Variants in PIP5K1C observed in about 807,000 individuals in gnomAD.
PIP5K1C encodes phosphatidylinositol 4-phosphate 5-kinase type-1 gamma.
Under a neutral mutation model 80.1 loss-of-function variants are expected in PIP5K1C, and 45 were observed. The observed-to-expected ratio is 0.56, with a 90% CI of 0.44 to 0.72. The LOEUF (loss-of-function observed/expected upper bound fraction) is 0.72, where lower values mean the gene tolerates loss of function less well. PIP5K1C is among the 30% of genes least tolerant of loss of function. PIP5K1C has a pLI of 0.00. For synonymous variants in PIP5K1C, 498 were observed against 420.1 expected (o/e 1.19, Z -2.27); for missense variants, 753 against 954.6 (o/e 0.79, Z 2.78).
In PIP5K1C at chr19:3,657,798, G is replaced by A. The variant is rs117990818; in HGVS notation, c.469-1241C>T. 1.2e-3 allele frequency among the ~76,000 whole-genome samples: 186 copies of A among 151,896 alleles called. 2 individuals carry two copies. The East Asian group carries it at 0.026, about 21-fold the overall frequency. On this transcript the variant is annotated intron_variant, in intron 5 of 17. Coordinates refer to ENST00000335312, the MANE Select transcript of PIP5K1C (RefSeq NM_012398.3). Reference sequence around the variant, plus strand: ...AAAGAAAGAAAACAAAAACAGGCATGGTGATGCCCATCTGTGGTCCCAGCT... The same window carrying A: ...AAAGAAAGAAAACAAAAACAGGCATAGTGATGCCCATCTGTGGTCCCAGCT...
rs71339197 is a variant in PIP5K1C, at chr19:3,669,250, G to C, written c.95-1897C>G. Among the ~76,000 whole-genome samples, 48 of 152,310 alleles carry C rather than the reference G, an allele frequency of 3.2e-4. 1 individual carries two copies. The highest frequency in any genetic ancestry group is 1.1e-3 in the African/African-American group (47 of 41,580). On this transcript the variant is annotated intron_variant, in intron 1 of 17. Coordinates refer to ENST00000335312, the MANE Select transcript of PIP5K1C (RefSeq NM_012398.3). ...GGAGTGTGTGCAGGAGGGTGCGGCA[G>C]GTGCCCTGCTCCGTAGGGCTCGGCC...
chr19:3,666,536 CGCAG>C (rs1201033314), intron 2 of PIP5K1C, among the ~76,000 whole-genome samples: 1 of 152,146 alleles, frequency 6.6e-6, no homozygotes, highest in African/African-American at 2.4e-5. Context: ...TACATACGCA[CGCAG>C]GCAAACAGGC....
intron 1 of PIP5K1C, among the ~76,000 whole-genome samples, chr19:3,677,741 T>A (rs796659184): frequency 2.1e-3 from 119 of 57,032 alleles, no homozygotes; most frequent in African/African-American, 8.5e-3. Flanking sequence ...GGAAGGATGG[T>A]GGGATGGAGG....
chr19:3,674,149 T>C (rs2035290622), intron 1 of PIP5K1C: 1 of 152,210 alleles, frequency 6.6e-6, no homozygotes, highest in Non-Finnish European at 1.5e-5. Flanking sequence ...GGCTGAGGGT[T>C]GGACAGGCAA....
intron 3 of PIP5K1C, among the ~76,000 whole-genome samples, chr19:3,663,687 C>T (rs1293734306): frequency 6.6e-6 from 1 of 152,206 alleles, no homozygotes; most frequent in Non-Finnish European, 1.5e-5. Flanking sequence ...AGAGACACCA[C>T]CTCACACCCA....
intron 5 of PIP5K1C, 31 bp downstream of exon 5, chr19:3,660,935 C>A: frequency 6.4e-7 from 1 of 1,553,900 alleles, no homozygotes; most frequent in Non-Finnish European, 8.9e-7. Flanking sequence ...CTGTTTCAAG[C>A]CTGGAAGCCC....
chr19:3,693,555 T>C (rs1281354762), intron 1 of PIP5K1C, among the ~76,000 whole-genome samples: 3 of 152,186 alleles, frequency 2.0e-5, no homozygotes, highest in Admixed American at 1.3e-4. Flanking sequence ...TGAAGGGACA[T>C]GCTGCCGGGG....
chr19:3,651,060 T>TTG (rs2034426757), intron 8 of PIP5K1C, among the ~76,000 whole-genome samples: 1 of 149,860 alleles, frequency 6.7e-6, no homozygotes, highest in Non-Finnish European at 1.5e-5. Context: ...CCAGCGTTTT[T>TTG]TTTTTTTTTT....
At chr19:3,641,601 C>T in intron 15 of PIP5K1C, 104 bp downstream of exon 15, 1 of 816,186 alleles carries the variant, frequency 1.2e-6, no homozygotes, top group South Asian at 1.4e-5. Context: ...GTGAATACAA[C>T]CTAGTAAGAA....
At position 3,668,811 on chromosome 19, in the gene PIP5K1C, T is replaced by C. The variant is rs1340836715; in HGVS notation, c.95-1458A>G. On this transcript the variant is annotated intron_variant, in intron 1 of 17. Coordinates refer to ENST00000335312, the MANE Select transcript of PIP5K1C (RefSeq NM_012398.3). ...TTCCCTGGGCTGGTCCTGTCTGAGC[T>C]CAGTGCCGAACAAGGATGCCGTGGG... 2.0e-5 allele frequency among the ~76,000 whole-genome samples: 3 copies of C among 152,110 alleles called. No individual in the cohort carries two copies. In the East Asian group the frequency reaches 5.8e-4, roughly 30 times the overall value.
chr19:3,645,239 G>T (rs1368005300), intron 11 of PIP5K1C, among the ~76,000 whole-genome samples: 1 of 152,222 alleles, frequency 6.6e-6, no homozygotes, highest in Non-Finnish European at 1.5e-5. Context: ...CACTTCCCAA[G>T]CATCTCTGTG....
intron 9 of PIP5K1C, among the ~76,000 whole-genome samples, chr19:3,647,849 G>C (rs2034294405): frequency 6.6e-6 from 1 of 152,298 alleles, no homozygotes; most frequent in South Asian, 2.1e-4. Flanking sequence ...GGGGAGGCTG[G>C]GGCAGGAGAA....
At chr19:3,654,586 C>T (rs968988989) in intron 6 of PIP5K1C, among the ~76,000 whole-genome samples, 8 of 152,174 alleles carry the variant, frequency 5.3e-5, no homozygotes, top group South Asian at 2.1e-4. Flanking sequence ...GAGGCCGAGG[C>T]GGGCGGATCA....
intron 1 of PIP5K1C, among the ~76,000 whole-genome samples, chr19:3,694,209 C>T (rs1399902526): frequency 7.2e-6 from 1 of 139,268 alleles, no homozygotes; most frequent in Non-Finnish European, 1.5e-5. Flanking sequence ...GAGACTCCAT[C>T]TCAAAAAAAA....
Position 3,631,068 on chromosome 19 carries a change from T to G in PIP5K1C, c.*2099A>C, listed in dbSNP as rs539383493. On this transcript the variant is annotated 3_prime_UTR_variant, in exon 18 of 18. Transcript: ENST00000335312. ...CTTGGAGACAACACAAGAATGGAAA[T>G]GAAATGGTATCCACAGAGGTTTGCA... The G allele has an allele frequency of 6.6e-6, 1 of 152,264 alleles. No individual in the cohort carries two copies. Among genetic ancestry groups the G allele is most frequent in the Non-Finnish European group, 1.5e-5 (1 of 68,048 alleles). 9.4% of individuals were successfully genotyped at this position (152,264 alleles called of 1,614,324 possible).
intron 5 of PIP5K1C, among the ~76,000 whole-genome samples, chr19:3,659,472 T>C (rs1232836149): frequency 6.6e-6 from 1 of 152,248 alleles, no homozygotes; most frequent in Non-Finnish European, 1.5e-5. Flanking sequence ...CTCCTGCTAA[T>C]GGACACGGGT....
chr19:3,697,924 C>T (rs940916849), intron 1 of PIP5K1C, among the ~76,000 whole-genome samples: 3 of 152,248 alleles, frequency 2.0e-5, no homozygotes, highest in East Asian at 1.9e-4. Context: ...GGCCACGCCT[C>T]GGGAGCCAGG....
rs540572875 is a variant in PIP5K1C, at chr19:3,656,304, A to G, written c.621+101T>C. ...CCCAAGATGCCTCTCACCACGCCCC[A>G]AGGATGCCTGCTTGCCCAAGCCTTG... On this transcript the variant is annotated intron_variant, in intron 6 of 17. Coordinates refer to ENST00000335312, the MANE Select transcript of PIP5K1C (RefSeq NM_012398.3). The G allele has an allele frequency of 3.2e-5, 44 of 1,381,960 alleles. No individual in the cohort carries two copies. The African/African-American group carries it at 5.5e-4, about 17-fold the overall frequency. 85.6% of individuals were successfully genotyped at this position (1,381,960 alleles called of 1,614,324 possible).
Position 3,630,461 on chromosome 19 carries a change from G to C in PIP5K1C, c.*2706C>G, listed in dbSNP as rs2033439896. ...TTCATTTTGTTTCAGAATCAGTTTGGCCATAAAAATGGGACTGGGTTGGGG... is the reference window on the plus strand; with the variant it reads ...TTCATTTTGTTTCAGAATCAGTTTGCCCATAAAAATGGGACTGGGTTGGGG... On this transcript the variant is annotated 3_prime_UTR_variant, in exon 18 of 18. Coordinates refer to ENST00000335312, the MANE Select transcript of PIP5K1C (RefSeq NM_012398.3). 1.3e-5 allele frequency: 2 copies of C among 152,496 alleles called. No homozygotes were observed. The highest frequency in any genetic ancestry group is 4.1e-4 in the South Asian group (2 of 4,826). The allele number at this position is 152,496 out of a possible 1,614,324, so 9.4% of individuals were successfully genotyped here.
Sources: gnomAD v4.1 joint callset for allele counts (sites outside exome capture counted in the v4.1 genomes callset) on GRCh38, gnomAD v4.1.1 for gene constraint, MANE v1.5 for transcripts, NCBI Gene and HGNC (gene_info 2026-07-23, HGNC 2026-07-21) for gene names.